Variants in EPB41L4B observed in about 807,000 individuals in gnomAD.
EPB41L4B encodes the protein erythrocyte membrane protein band 4.1 like 4B, also known as band 4.1-like protein 4B.
A neutral mutation model predicts 112.5 loss-of-function variants in EPB41L4B; 30 were observed. The observed-to-expected ratio is 0.27, with a 90% confidence interval of 0.20 to 0.36. The LOEUF (loss-of-function observed/expected upper bound fraction) is 0.36, where lower values mean the gene tolerates loss of function less well. Ranked by LOEUF, EPB41L4B falls within the 10% of genes least tolerant of loss-of-function variation. The pLI, the probability that EPB41L4B is intolerant of heterozygous loss-of-function variation, is 1.00. For synonymous variants in EPB41L4B, 408 were observed against 439.7 expected (o/e 0.93, Z 0.90); for missense variants, 1,024 against 1,133.3 (o/e 0.90, Z 1.38).
At chr9:109,197,429 A>T (rs1485092138) in intron 20 of EPB41L4B, among the ~76,000 whole-genome samples, 1 of 151,706 alleles carries the variant, frequency 6.6e-6, no homozygotes, top group Non-Finnish European at 1.5e-5. Context: ...CCTCAAAAAA[A>T]TAAAATAATA....
At position 109,236,108 on chromosome 9, in the gene EPB41L4B, T is replaced by C. The variant is rs367621675; in HGVS notation, c.1409+7510A>G. Among the ~76,000 whole-genome samples the C allele has an allele frequency of 2.0e-5, 3 of 152,320 alleles. No homozygotes were observed. In the South Asian group the frequency reaches 6.2e-4, roughly 32 times the overall value. On this transcript the variant is annotated intron_variant, in intron 15 of 25. Coordinates refer to ENST00000374566, the MANE Select transcript of EPB41L4B (RefSeq NM_019114.5). ...TTACTTCTGCAAACTTCCATCTGTT[T>C]CCCAATCATGGGCTCCAGTCTTAGC...
chr9:109,255,391 G>A (rs1471133628), intron 11 of EPB41L4B, 120 bp downstream of exon 11: 3 of 1,166,666 alleles, frequency 2.6e-6, no homozygotes, highest in Middle Eastern at 2.1e-4. Flanking sequence ...GAAACGTGGG[G>A]ATGGGACACA....
intron 1 of EPB41L4B, among the ~76,000 whole-genome samples, chr9:109,318,568 CGAG>C (rs1398513059): frequency 2.0e-5 from 3 of 152,054 alleles, no homozygotes; most frequent in Non-Finnish European, 2.9e-5. Flanking sequence ...TTCCCAGATC[CGAG>C]ATGCAAACTA....
chr9:109,187,947 T>C (rs1216242823), intron 22 of EPB41L4B, among the ~76,000 whole-genome samples: 21 of 152,174 alleles, frequency 1.4e-4, no homozygotes, highest in Admixed American at 1.4e-3. Flanking sequence ...CTCCAGACTG[T>C]TGTTACGTGA....
intron 4 of EPB41L4B, among the ~76,000 whole-genome samples, chr9:109,266,918 A>G (rs1338005362): frequency 1.4e-5 from 2 of 139,846 alleles, no homozygotes; most frequent in Non-Finnish European, 1.5e-5. Flanking sequence ...GCAGTGACCC[A>G]AGATCATGCC....
At chr9:109,185,712 C>A (rs1832236887) in intron 22 of EPB41L4B, 107 bp from the exon 23 acceptor site, 1 of 794,870 alleles carries the variant, frequency 1.3e-6, no homozygotes, top group South Asian at 1.9e-5. Context: ...CAGTGCAAGA[C>A]AGATCTGGCA....
chr9:109,241,542 C>A, intron 15 of EPB41L4B: 1 of 1,499,750 alleles, frequency 6.7e-7, no homozygotes, highest in Non-Finnish European at 8.8e-7. Flanking sequence ...CCAAAAACAC[C>A]TTTCAGGACT....
At chr9:109,215,531 G>A (rs747284451) in intron 16 of EPB41L4B, among the ~76,000 whole-genome samples, 10 of 152,010 alleles carry the variant, frequency 6.6e-5, no homozygotes, top group Non-Finnish European at 1.2e-4. Context: ...CACCCATCTC[G>A]GCCTCCCAAA....
At chr9:109,187,398 T>C (rs952241233) in intron 22 of EPB41L4B, among the ~76,000 whole-genome samples, 5 of 146,606 alleles carry the variant, frequency 3.4e-5, no homozygotes, top group South Asian at 4.3e-4. Context: ...ATTTGGGAGA[T>C]GTAGAAATTG....
At chr9:109,185,046 G>C (rs192169083) in intron 23 of EPB41L4B, among the ~76,000 whole-genome samples, 2 of 152,182 alleles carry the variant, frequency 1.3e-5, no homozygotes, top group Non-Finnish European at 2.9e-5. Flanking sequence ...AAAAAATCAT[G>C]CTAAATTGGG....
chr9:109,273,448 T>C lies in EPB41L4B; in HGVS notation c.412-5015A>G, dbSNP rs529270685. On this transcript the variant is annotated intron_variant, in intron 2 of 25. Coordinates refer to ENST00000374566, the MANE Select transcript of EPB41L4B (RefSeq NM_019114.5). ...TTTTAGTAGAAACAGGGTTTTGCCA[T>C]GTTGGCTAGTCTGGTCTTGAACTCC... Among the ~76,000 whole-genome samples, 6 of 152,300 alleles carry C rather than the reference T, an allele frequency of 3.9e-5. No individual in the cohort carries two copies. In the South Asian group the frequency reaches 1.2e-3, roughly 32 times the overall value.
intron 2 of EPB41L4B, among the ~76,000 whole-genome samples, chr9:109,269,659 G>A (rs566758967): frequency 1.3e-5 from 2 of 152,308 alleles, no homozygotes; most frequent in East Asian, 3.9e-4. Flanking sequence ...AGTAGGGACT[G>A]TTCCCATCAC....
chr9:109,211,872 C>T (rs908601579), intron 17 of EPB41L4B, among the ~76,000 whole-genome samples: 1 of 145,936 alleles, frequency 6.9e-6, no homozygotes, highest in South Asian at 2.2e-4. Flanking sequence ...CCCGCCACCA[C>T]AACTTGCTAA....
intron 15 of EPB41L4B, among the ~76,000 whole-genome samples, chr9:109,220,745 G>A (rs191450466): frequency 9.9e-5 from 15 of 152,172 alleles, no homozygotes; most frequent in South Asian, 6.2e-4. Context: ...GTGTGTGTGC[G>A]TGTGTGCACG....
chr9:109,279,787 G>C (rs780718108), intron 2 of EPB41L4B, 30 bp downstream of exon 2: 19 of 1,579,388 alleles, frequency 1.2e-5, no homozygotes, highest in Admixed American at 1.7e-5. Context: ...AAGCCAATCT[G>C]TTCTGAAATG....
chr9:109,283,103 A>C (rs2028403), intron 1 of EPB41L4B, among the ~76,000 whole-genome samples: 33,861 of 152,206 alleles, frequency 0.22, 4,637 homozygotes, highest in Non-Finnish European at 0.31. Flanking sequence ...TGAAAATGCA[A>C]CGTCTACAGA....
In EPB41L4B at chr9:109,265,142, G is replaced by A. The variant is rs986770857; in HGVS notation, c.534-118C>T. 7.6e-6 allele frequency: 6 copies of A among 794,632 alleles called. No homozygotes were observed. The East Asian group carries it at 1.6e-4, about 21-fold the overall frequency. The allele number at this position is 794,632 out of a possible 1,614,324, so 49.2% of individuals were successfully genotyped here. On this transcript the variant is annotated intron_variant, in intron 4 of 25. Transcript: ENST00000374566. ...GCATGGAGTTTTGCATTGTAAAAAA[G>A]GAGTCCAAATCAAATGAGAACTTTG...
Position 109,180,118 on chromosome 9 carries a change from G to A in EPB41L4B, c.2487+2611C>T, listed in dbSNP as rs139806664. Among the ~76,000 whole-genome samples, 978 of 152,136 alleles carry A rather than the reference G, an allele frequency of 6.4e-3. 8 individuals are homozygous for A. The highest frequency in any genetic ancestry group is 0.022 in the African/African-American group (921 of 41,488). Reference sequence around the variant, plus strand: ...TCTCACCCAGCCCTGCTTGCTTTCCGCATCCCAGTCCCACTGGCCTGTTTT... The same window carrying A: ...TCTCACCCAGCCCTGCTTGCTTTCCACATCCCAGTCCCACTGGCCTGTTTT... On this transcript the variant is annotated intron_variant, in intron 24 of 25. Transcript: ENST00000374566.
chr9:109,312,448 G>A (rs6477699), intron 1 of EPB41L4B, among the ~76,000 whole-genome samples: 26,560 of 151,848 alleles, frequency 0.17, 2,943 homozygotes, highest in African/African-American at 0.31. Flanking sequence ...AAAGGTGGAA[G>A]CCCTTTGGGG....
Sources: allele counts gnomAD v4.1 joint callset (sites outside exome capture counted in the v4.1 genomes callset), GRCh38; gene constraint gnomAD v4.1.1; transcripts MANE v1.5; gene names NCBI Gene and HGNC (gene_info 2026-07-23, HGNC 2026-07-21).